Variants in KCNH1 observed in about 807,000 individuals in gnomAD.
KCNH1 encodes potassium voltage-gated channel subfamily H member 1, also known as voltage-gated delayed rectifier potassium channel KCNH1.
KCNH1 carries 27 observed loss-of-function variants against 69.2 expected under a neutral mutation model. That is an observed-to-expected ratio of 0.39 (90% CI 0.29 to 0.54). The LOEUF is 0.54. KCNH1 is among the 20% of genes least tolerant of loss of function. The pLI is 0.68. For missense variants in KCNH1, 798 were observed against 1,261.6 expected (o/e 0.63, Z 5.57); for synonymous variants, 456 against 487.7 (o/e 0.93, Z 0.86).
chr1:210,886,217 G>C (rs1323175084), intron 7 of KCNH1, among the ~76,000 whole-genome samples: 2 of 152,198 alleles, frequency 1.3e-5, no homozygotes, highest in Non-Finnish European at 2.9e-5. Flanking sequence ...AATCTTTGCT[G>C]TTCTGCAGCC....
At chr1:210,888,444 C>G (rs992961159) in intron 7 of KCNH1, among the ~76,000 whole-genome samples, 1 of 152,156 alleles carries the variant, frequency 6.6e-6, no homozygotes. Flanking sequence ...TAAACGCCCA[C>G]AGGAGAAAGC....
chr1:210,840,488 A>AG (rs1685383799), intron 7 of KCNH1, among the ~76,000 whole-genome samples: 1 of 152,198 alleles, frequency 6.6e-6, no homozygotes, highest in Non-Finnish European at 1.5e-5. Context: ...TGCGGCAGGC[A>AG]GGAGGGGGGC....
intron 10 of KCNH1, among the ~76,000 whole-genome samples, chr1:210,693,103 A>G (rs927864221): frequency 3.9e-5 from 6 of 152,202 alleles, no homozygotes; most frequent in African/African-American, 1.4e-4. Flanking sequence ...CAATGGATGC[A>G]AGTGCCCACA....
At chr1:210,877,068 TAA>T (rs10673335) in intron 7 of KCNH1, among the ~76,000 whole-genome samples, 7 of 144,018 alleles carry the variant, frequency 4.9e-5, no homozygotes, top group Admixed American at 1.4e-4. Context: ...TCCTCTGAAT[TAA>T]AAAAAAAAAA....
At chr1:210,960,482 GT>G (rs1157193755) in intron 6 of KCNH1, among the ~76,000 whole-genome samples, 3 of 152,170 alleles carry the variant, frequency 2.0e-5, no homozygotes, top group African/African-American at 7.2e-5. Context: ...CTATAGATCA[GT>G]TTGCATTTTC....
chr1:211,114,994 G>T (rs1691541408), intron 1 of KCNH1, among the ~76,000 whole-genome samples: 1 of 151,684 alleles, frequency 6.6e-6, no homozygotes, highest in Admixed American at 6.6e-5. Flanking sequence ...TTTGAGACAG[G>T]GTCTTGCTCT....
At chr1:210,711,015 T>C (rs993934363) in intron 10 of KCNH1, among the ~76,000 whole-genome samples, 2 of 152,208 alleles carry the variant, frequency 1.3e-5, no homozygotes, top group Non-Finnish European at 2.9e-5. Context: ...TGGCCGCTTC[T>C]GGATTCTGCT....
At chr1:210,980,920 A>T (rs979132361) in intron 6 of KCNH1, among the ~76,000 whole-genome samples, 1 of 152,182 alleles carries the variant, frequency 6.6e-6, no homozygotes, top group Non-Finnish European at 1.5e-5. Context: ...AGGCTTAGTT[A>T]CAGACATTAC....
intron 7 of KCNH1, among the ~76,000 whole-genome samples, chr1:210,845,403 G>A (rs902913439): frequency 6.6e-6 from 1 of 152,072 alleles, no homozygotes; most frequent in Non-Finnish European, 1.5e-5. Context: ...CTTCATCCCT[G>A]GGATGCAAGG....
chr1:210,692,766 A>T (rs1681553042), intron 10 of KCNH1, among the ~76,000 whole-genome samples: 1 of 152,210 alleles, frequency 6.6e-6, no homozygotes, highest in Non-Finnish European at 1.5e-5. Flanking sequence ...TGCCGACAGC[A>T]ACCAGAAGCT....
At chr1:210,928,300 A>G (rs1317736291) in intron 6 of KCNH1, among the ~76,000 whole-genome samples, 1 of 152,234 alleles carries the variant, frequency 6.6e-6, no homozygotes, top group Non-Finnish European at 1.5e-5. Flanking sequence ...TCTCCAAGAT[A>G]GACCATATGA....
intron 10 of KCNH1, among the ~76,000 whole-genome samples, chr1:210,765,360 A>G (rs1447850340): frequency 6.6e-6 from 1 of 152,206 alleles, no homozygotes; most frequent in Non-Finnish European, 1.5e-5. Flanking sequence ...TAATATACCC[A>G]TGTAACAAAC....
intron 3 of KCNH1, among the ~76,000 whole-genome samples, chr1:211,095,908 C>T (rs1375105290): frequency 6.6e-6 from 1 of 152,198 alleles, no homozygotes; most frequent in African/African-American, 2.4e-5. Context: ...CCTTTATCTT[C>T]AGTTATTCGG....
At position 211,028,925 on chromosome 1, in the gene KCNH1, C is replaced by T. The variant is rs61848565; in HGVS notation, c.559-9669G>A. 6.8e-3 allele frequency among the ~76,000 whole-genome samples: 1,038 copies of T among 152,104 alleles called. 4 individuals carry two copies. The highest frequency in any genetic ancestry group is 0.011 in the Non-Finnish European group (722 of 67,996). ...AATTCATTTTGTGAAACTAATGTTA[C>T]CCTGATTCCCAAAACCAAAGACAGT... On this transcript the variant is annotated intron_variant, in intron 5 of 10. Transcript: ENST00000271751.
At chr1:210,704,446 T>C (rs1030234639) in intron 10 of KCNH1, among the ~76,000 whole-genome samples, 1 of 152,180 alleles carries the variant, frequency 6.6e-6, no homozygotes, top group Non-Finnish European at 1.5e-5. Context: ...AGGGACCTGG[T>C]CTAGTGCTCT....
rs566242868 is a variant in KCNH1 at position 210,936,213 on chromosome 1, G to T, written c.1033-16144C>A. 3.3e-5 allele frequency among the ~76,000 whole-genome samples: 5 copies of T among 152,108 alleles called. No individual in the cohort carries two copies. In the South Asian group the frequency reaches 8.3e-4, roughly 25 times the overall value. The stretch of plus-strand genomic sequence containing the variant: ...CAGTTTCCTGATTGCTTTCAACCCC[G>T]TATTACTCATCACTACTCTTTCCCT... On this transcript the variant is annotated intron_variant, in intron 6 of 10. Coordinates refer to ENST00000271751, the MANE Select transcript of KCNH1 (RefSeq NM_172362.3).
chr1:210,977,582 T>C (rs1163880323), intron 6 of KCNH1, among the ~76,000 whole-genome samples: 1 of 152,198 alleles, frequency 6.6e-6, no homozygotes, highest in Non-Finnish European at 1.5e-5. Flanking sequence ...TCATGCAGTA[T>C]TTGTCTTCCT....
chr1:210,807,635 AT>A (rs1368177206), intron 7 of KCNH1, among the ~76,000 whole-genome samples: 1 of 151,528 alleles, frequency 6.6e-6, no homozygotes, highest in Non-Finnish European at 1.5e-5. Flanking sequence ...AAATAAATAA[AT>A]AATAATAATA....
At chr1:211,108,498 T>C (rs1371640997) in intron 1 of KCNH1, 1 of 152,216 alleles carries the variant, frequency 6.6e-6, no homozygotes, top group Non-Finnish European at 1.5e-5. Flanking sequence ...ACAATATGGG[T>C]AACCATCCCT....
Sources: gnomAD v4.1 joint callset for allele counts (sites outside exome capture counted in the v4.1 genomes callset) on GRCh38, gnomAD v4.1.1 for gene constraint, MANE v1.5 for transcripts, NCBI Gene and HGNC (gene_info 2026-07-23, HGNC 2026-07-21) for gene names.